NREP: variants seen among roughly 807,000 people sequenced by gnomAD.
NREP encodes the protein neuronal regeneration-related protein.
NREP carries 5 observed loss-of-function variants against 8.6 expected under a neutral mutation model. The observed-to-expected ratio is 0.58, with a 90% CI of 0.30 to 1.22. NREP has a LOEUF of 1.22. Ranked by LOEUF, NREP falls within the 50% of genes most tolerant of loss-of-function variation. The probability of loss-of-function intolerance (pLI) is 0.07; values close to 1 mark genes in which losing one functional copy is unlikely to be tolerated. For missense variants in NREP, 86 were observed against 82.5 expected, an observed-to-expected ratio of 1.04 and a Z score of -0.17; for synonymous variants, 27 against 28.0, an observed-to-expected ratio of 0.96 and a Z score of 0.11.
At chr5:111,886,447 T>C (rs1581192143) in intron 2 of NREP, among the ~76,000 whole-genome samples, 1 of 152,152 alleles carries the variant, frequency 6.6e-6, no homozygotes, top group East Asian at 1.9e-4. Flanking sequence ...AGAAATACTA[T>C]TTGACCCAGC....
At chr5:111,950,070 G>A (rs1043263814) in intron 2 of NREP, among the ~76,000 whole-genome samples, 6 of 151,926 alleles carry the variant, frequency 3.9e-5, no homozygotes, top group Admixed American at 2.6e-4. Context: ...GCTCCTTTTC[G>A]TCCACAGCCT....
At chr5:111,797,731 A>T (rs1751906832) in intron 2 of NREP, among the ~76,000 whole-genome samples, 1 of 152,216 alleles carries the variant, frequency 6.6e-6, no homozygotes, top group African/African-American at 2.4e-5. Flanking sequence ...TAGCGGCCTC[A>T]ATGAGTCAGA....
intron 2 of NREP, among the ~76,000 whole-genome samples, chr5:111,839,061 C>G (rs898716162): frequency 1.2e-4 from 18 of 152,132 alleles, no homozygotes; most frequent in African/African-American, 3.6e-4. Flanking sequence ...AGATTATACT[C>G]TATTGATCAA....
intron 2 of NREP, among the ~76,000 whole-genome samples, chr5:111,967,871 T>A: frequency 6.6e-6 from 1 of 152,204 alleles, no homozygotes; most frequent in East Asian, 1.9e-4. Context: ...TTTTGCTGTT[T>A]GGTAAAGAAT....
chr5:111,859,412 A>G (rs1433394032), intron 2 of NREP, among the ~76,000 whole-genome samples: 1 of 152,188 alleles, frequency 6.6e-6, no homozygotes, highest in African/African-American at 2.4e-5. Flanking sequence ...AATGCAAAAA[A>G]TTTTGCCAAG....
exon 1 of NREP, chr5:111,976,864 T>G: frequency 1.4e-6 from 1 of 695,024 alleles, no homozygotes; most frequent in Non-Finnish European, 2.5e-6. Context: ...CAATGTTTCT[T>G]TTGATAAATA....
intron 2 of NREP, among the ~76,000 whole-genome samples, chr5:111,787,187 G>T (rs555859477): frequency 1.3e-5 from 2 of 152,220 alleles, no homozygotes; most frequent in African/African-American, 4.8e-5. Context: ...CTCTGCTCAA[G>T]GTCCCCACAA....
chr5:111,869,489 A>G (rs929093626), intron 2 of NREP, among the ~76,000 whole-genome samples: 1 of 152,124 alleles, frequency 6.6e-6, no homozygotes, highest in African/African-American at 2.4e-5. Context: ...AGTTTTAACT[A>G]CCCTGGTCTT....
intron 2 of NREP, among the ~76,000 whole-genome samples, chr5:111,855,517 C>A (rs1024771377): frequency 6.6e-6 from 1 of 152,142 alleles, no homozygotes; most frequent in East Asian, 1.9e-4. Context: ...AGGTTAAATG[C>A]CTGCTGGGCT....
intron 3 of NREP, chr5:111,734,418 T>C (rs567205900): frequency 4.0e-6 from 1 of 247,178 alleles, no homozygotes; most frequent in Non-Finnish European, 7.7e-6. Flanking sequence ...TCAGTGCAAG[T>C]CTAGTTCAGG....
At chr5:111,786,765 C>T (rs370930251) in intron 2 of NREP, among the ~76,000 whole-genome samples, 2 of 152,294 alleles carry the variant, frequency 1.3e-5, no homozygotes, top group African/African-American at 4.8e-5. Flanking sequence ...CAATGTTAAT[C>T]TTCCTTGGGG....
At chr5:111,825,031 T>C (rs1231211848) in intron 2 of NREP, among the ~76,000 whole-genome samples, 2 of 152,198 alleles carry the variant, frequency 1.3e-5, no homozygotes, top group Non-Finnish European at 2.9e-5. Flanking sequence ...AGTGTTTCCT[T>C]AGTCAGAGTT....
chr5:111,834,323 T>C (rs1408458904), intron 2 of NREP, among the ~76,000 whole-genome samples: 1 of 152,222 alleles, frequency 6.6e-6, no homozygotes, highest in Non-Finnish European at 1.5e-5. Flanking sequence ...AGATTCATTA[T>C]CAAATACCAT....
intron 2 of NREP, among the ~76,000 whole-genome samples, chr5:111,971,013 TG>T (rs1489471644): frequency 1.3e-5 from 2 of 152,246 alleles, no homozygotes; most frequent in East Asian, 3.9e-4. Flanking sequence ...GGTGTTCCGA[TG>T]TGATGTTGAC....
chr5:111,853,227 G>A (rs1035293505), intron 2 of NREP, among the ~76,000 whole-genome samples: 4 of 152,102 alleles, frequency 2.6e-5, no homozygotes, highest in African/African-American at 7.2e-5. Flanking sequence ...ATTTCCAGGG[G>A]TTAGGAGGTA....
chr5:111,813,532 C>T (rs553558340), intron 2 of NREP, among the ~76,000 whole-genome samples: 1 of 152,084 alleles, frequency 6.6e-6, no homozygotes, highest in East Asian at 1.9e-4. Flanking sequence ...TCCAGATCCT[C>T]CTATATATTT....
intron 2 of NREP, among the ~76,000 whole-genome samples, chr5:111,852,700 G>A (rs1461375792): frequency 1.3e-5 from 2 of 152,058 alleles, no homozygotes; most frequent in African/African-American, 4.8e-5. Context: ...AGCAAATTGG[G>A]AGGTAAGTCT....
intron 2 of NREP, among the ~76,000 whole-genome samples, chr5:111,779,862 C>A (rs1483372319): frequency 3.9e-5 from 6 of 152,196 alleles, no homozygotes; most frequent in African/African-American, 1.2e-4. Flanking sequence ...TAAATGGGTA[C>A]TTGAGGGCTC....
intron 2 of NREP, among the ~76,000 whole-genome samples, chr5:111,851,567 G>A (rs1391630580): frequency 6.6e-6 from 1 of 152,080 alleles, no homozygotes; most frequent in Admixed American, 6.6e-5. Context: ...CCATATCTTG[G>A]CTTTTGTGAC....
Sources: gnomAD v4.1 joint callset for allele counts (sites outside exome capture counted in the v4.1 genomes callset) on GRCh38, gnomAD v4.1.1 for gene constraint, MANE v1.5 for transcripts, NCBI Gene and HGNC (gene_info 2026-07-23, HGNC 2026-07-21) for gene names.